GGH: variants seen among roughly 807,000 people sequenced by gnomAD.
GGH encodes gamma-Glu-X carboxypeptidase.
GGH carries 18 observed loss-of-function variants against 39.2 expected under a neutral mutation model. The ratio of observed to expected loss-of-function variants is 0.46; its 90% CI spans 0.32 to 0.68. GGH has a LOEUF of 0.68. GGH is among the 30% of genes least tolerant of loss of function. GGH has a pLI of 0.04. For missense variants in GGH, 367 were observed against 384.1 expected, an observed-to-expected ratio of 0.96 and a Z score of 0.37; for synonymous variants, 147 against 138.8, an observed-to-expected ratio of 1.06 and a Z score of -0.42.
chr8:63,035,545 TC>T, intron 2 of GGH, 110 bp downstream of exon 2: 1 of 1,440,064 alleles, frequency 6.9e-7, no homozygotes, highest in Non-Finnish European at 9.2e-7. Context: ...ACCTCAGTAG[TC>T]CACCCGCCTT....
chr8:63,035,642 A>C lies in GGH; in HGVS notation c.224+14T>G, dbSNP rs76932243. On this transcript the variant is annotated intron_variant, in intron 2 of 8. Transcript: ENST00000260118. The stretch of plus-strand genomic sequence containing the variant: ...TATACAGAGTAAAAAAAAAAAAAAA[A>C]CACTGAATCATACCTTACTGGTACA... The C allele has an allele frequency of 6.3e-7, 1 of 1,580,972 alleles. No homozygotes were observed. Among genetic ancestry groups the C allele is most frequent in the Non-Finnish European group, 8.5e-7 (1 of 1,169,780 alleles).
intron 1 of GGH, 112 bp downstream of exon 1, chr8:63,038,548 A>G: frequency 3.8e-6 from 2 of 532,998 alleles, no homozygotes; most frequent in Non-Finnish European, 6.4e-6. Context: ...AGCGAAGCAC[A>G]TCTGGGGGTT....
At chr8:63,037,742 G>T (rs1233537321) in intron 1 of GGH, among the ~76,000 whole-genome samples, 1 of 152,076 alleles carries the variant, frequency 6.6e-6, no homozygotes, top group African/African-American at 2.4e-5. Context: ...TATGCAACCT[G>T]TTACATTAAT....
intron 1 of GGH, 106 bp from the exon 2 acceptor site, chr8:63,035,876 G>A (rs1804899111): frequency 7.8e-6 from 8 of 1,027,118 alleles, no homozygotes; most frequent in Non-Finnish European, 1.1e-5. Flanking sequence ...TCAATCCACA[G>A]AATTAAATAG....
chr8:63,020,207 A>G (rs1432453849), intron 7 of GGH, among the ~76,000 whole-genome samples: 2 of 152,190 alleles, frequency 1.3e-5, no homozygotes, highest in African/African-American at 4.8e-5. Context: ...ACTGATTTAG[A>G]CAGAAGTATC....
intron 7 of GGH, among the ~76,000 whole-genome samples, chr8:63,020,381 T>C (rs991949621): frequency 3.3e-5 from 5 of 152,172 alleles, no homozygotes; most frequent in Non-Finnish European, 5.9e-5. Context: ...TTTAAATAAT[T>C]AGGCATTCAT....
intron 7 of GGH, among the ~76,000 whole-genome samples, chr8:63,019,900 TTC>T (rs1329495285): frequency 6.6e-6 from 1 of 152,206 alleles, no homozygotes; most frequent in Non-Finnish European, 1.5e-5. Flanking sequence ...GGGCACTCAT[TTC>T]TGTTAATAAT....
Position 63,035,797 on chromosome 8 carries a change from A to G in GGH, c.110-27T>C, listed in dbSNP as rs377421757. ...TAATAACAAAAAAAAGTTTAGTTTCAAGCAAATTCCTTTTCTTCTTGCTCA... is the reference window on the plus strand; with the variant it reads ...TAATAACAAAAAAAAGTTTAGTTTCGAGCAAATTCCTTTTCTTCTTGCTCA... On this transcript the variant is annotated intron_variant, in intron 1 of 8. Transcript: ENST00000260118. 1.4e-4 allele frequency: 216 copies of G among 1,571,066 alleles called. 2 individuals carry two copies. In the Middle Eastern group the frequency reaches 5.5e-3, roughly 40 times the overall value.
chr8:63,026,877 T>TA (rs370424614), intron 4 of GGH: 13,108 of 253,856 alleles, frequency 0.052, 5 homozygotes, highest in Middle Eastern at 0.09. Flanking sequence ...ACAATGCCCA[T>TA]AAAAAAAAAA....
At chr8:63,027,547 T>C (rs1439304984) in intron 3 of GGH, among the ~76,000 whole-genome samples, 3 of 151,986 alleles carry the variant, frequency 2.0e-5, no homozygotes, top group African/African-American at 7.2e-5. Flanking sequence ...AGTAAATAAG[T>C]AGGGGAGGGG....
intron 2 of GGH, among the ~76,000 whole-genome samples, chr8:63,030,439 T>G (rs879627115): frequency 6.6e-6 from 1 of 152,202 alleles, no homozygotes; most frequent in Non-Finnish European, 1.5e-5. Flanking sequence ...TTTTCTGTGA[T>G]CTAATGCAAT....
intron 5 of GGH, 37 bp downstream of exon 5, chr8:63,026,121 C>T (rs1218847822): frequency 4.0e-6 from 6 of 1,510,660 alleles, no homozygotes; most frequent in Non-Finnish European, 4.4e-6. Context: ...TCCTGCCCAG[C>T]AAATATTTTT....
intron 2 of GGH, among the ~76,000 whole-genome samples, chr8:63,030,650 A>G (rs571380910): frequency 1.3e-5 from 2 of 152,314 alleles, no homozygotes; most frequent in East Asian, 1.9e-4. Context: ...AAATGCATAA[A>G]TAAATGCCAA....
chr8:63,035,512 G>T, intron 2 of GGH, 144 bp downstream of exon 2: 1 of 1,178,794 alleles, frequency 8.5e-7, no homozygotes, highest in Non-Finnish European at 1.1e-6. Context: ...CACCAGGTTG[G>T]CCTGGCTGGT....
chr8:63,038,597 G>T, intron 1 of GGH, 63 bp downstream of exon 1: 1 of 849,256 alleles, frequency 1.2e-6, no homozygotes, highest in Non-Finnish European at 1.7e-6. Context: ...GCGGCGGCGG[G>T]AGGCGCCCAG....
chr8:63,038,376 T>A (rs1801019619), intron 1 of GGH, among the ~76,000 whole-genome samples: 1 of 152,268 alleles, frequency 6.6e-6, no homozygotes, highest in South Asian at 2.1e-4. Flanking sequence ...AATTCCTAGC[T>A]GTGTACAAAA....
At chr8:63,032,634 A>AT (rs1402202849) in intron 2 of GGH, among the ~76,000 whole-genome samples, 1 of 152,138 alleles carries the variant, frequency 6.6e-6, no homozygotes, top group African/African-American at 2.4e-5. Flanking sequence ...AAAATTCAGA[A>AT]ATGAACCTAA....
intron 2 of GGH, 78 bp downstream of exon 2, chr8:63,035,578 T>C: frequency 6.5e-7 from 1 of 1,529,544 alleles, no homozygotes; most frequent in East Asian, 2.3e-5. Flanking sequence ...GTGCTAGAAT[T>C]ACAGGCATGA....
At chr8:63,038,602 G>T in intron 1 of GGH, 58 bp downstream of exon 1, 1 of 899,266 alleles carries the variant, frequency 1.1e-6, no homozygotes, top group Non-Finnish European at 1.6e-6. Context: ...GGCGGGAGGC[G>T]CCCAGCGCCA....
Sources: allele counts gnomAD v4.1 joint callset (sites outside exome capture counted in the v4.1 genomes callset), GRCh38; gene constraint gnomAD v4.1.1; transcripts MANE v1.5; gene names NCBI Gene and HGNC (gene_info 2026-07-23, HGNC 2026-07-21).